The following RTTN variants were observed in gnomAD, a reference collection of about 807,000 sequenced individuals.
The protein encoded by RTTN is rotatin.
RTTN carries 182 observed loss-of-function variants against 269.2 expected under a neutral mutation model. That is an observed-to-expected ratio of 0.68 (90% CI 0.60 to 0.76). The LOEUF is 0.76. Among genes scored for constraint, RTTN ranks in the 30% least tolerant of loss-of-function variants. The pLI, the probability that RTTN is intolerant of heterozygous loss-of-function variation, is 0.00. For synonymous variants in RTTN, 1,006 were observed against 963.5 expected (o/e 1.04, Z -0.82); for missense variants, 2,545 against 2,608.6 (o/e 0.98, Z 0.53).
intron 14 of RTTN, among the ~76,000 whole-genome samples, chr18:70,153,716 C>A (rs2060600878): frequency 6.6e-6 from 1 of 152,070 alleles, no homozygotes; most frequent in African/African-American, 2.4e-5. Context: ...ACAGACATAG[C>A]CAATTAAAGT....
At chr18:70,128,746 A>C in intron 23 of RTTN, 200 bp from the exon 24 acceptor site, 3 of 510,584 alleles carry the variant, frequency 5.9e-6, no homozygotes, top group Non-Finnish European at 7.0e-6. Context: ...ACTCCCCAGA[A>C]CACTTAAATC....
chr18:70,093,854 G>C (rs1231523738), intron 28 of RTTN, among the ~76,000 whole-genome samples: 1 of 152,078 alleles, frequency 6.6e-6, no homozygotes, highest in Non-Finnish European at 1.5e-5. Context: ...TCTATCATTT[G>C]GAATAGTTTC....
At chr18:70,016,342 T>C (rs1196056382) in intron 46 of RTTN, among the ~76,000 whole-genome samples, 1 of 152,224 alleles carries the variant, frequency 6.6e-6, no homozygotes, top group African/African-American at 2.4e-5. Context: ...ACATTTATCA[T>C]GTACCAGAAA....
rs758215830 is a variant in RTTN at position 70,030,033 on chromosome 18, C to T, written c.5724G>A (p.Gly1908=). The T allele has an allele frequency of 5.6e-6, 9 of 1,612,254 alleles. No homozygotes were observed. In the Admixed American group the frequency reaches 1.0e-4, roughly 18 times the overall value. ...AQLNLDSLRP[G]KAALKKKEDG... The stretch of plus-strand genomic sequence containing the variant: ...TTACCTTTTTTTTCAATGCTGCTTT[C>T]CCAGGCCTCAGAGAATCTAGGTTCA... Residue 1908 remains glycine, a synonymous_variant, in exon 42 of 49, where the codon GGG becomes GGA. Transcript: ENST00000640769.
chr18:70,086,793 A>T, intron 31 of RTTN, 109 bp from the exon 32 acceptor site: 1 of 995,240 alleles, frequency 1.0e-6, no homozygotes, highest in Non-Finnish European at 1.5e-6. Context: ...AATTAATAGC[A>T]AAAGACATCT....
chr18:70,129,626 C>G (rs1456714342), intron 23 of RTTN: 3 of 56,968 alleles, frequency 5.3e-5, no homozygotes, highest in Non-Finnish European at 1.2e-4. Flanking sequence ...AAAATCAAAT[C>G]AAAATGAATT....
rs1599166825 is a variant in RTTN at position 70,028,796 on chromosome 18, A to G, written c.5751T>C (p.Asp1917=). 6.2e-7 allele frequency: 1 copy of G among 1,608,856 alleles called. No individual in the cohort carries two copies. Among genetic ancestry groups the G allele is most frequent in the Non-Finnish European group, 8.5e-7 (1 of 1,176,078 alleles). Residue 1917 remains aspartate, a synonymous_variant, in exon 43 of 49, where the codon GAT becomes GAC. Coordinates refer to ENST00000640769, the MANE Select transcript of RTTN (RefSeq NM_173630.4). ...CAATGCTTAACTCTTTAATAACACC[A>G]TCCTCCTATTTAAACAAAAAGCAGT... is the stretch of plus-strand genomic sequence containing the variant. The part of the protein sequence containing the change: ...PGKAALKKKE[D]GVIKELSIAM...
chr18:70,068,626 T>C (rs2058212159), intron 34 of RTTN, among the ~76,000 whole-genome samples: 1 of 152,236 alleles, frequency 6.6e-6, no homozygotes, highest in South Asian at 2.1e-4. Flanking sequence ...AAACTTAGTC[T>C]GCTGAAGTCA....
intron 30 of RTTN, among the ~76,000 whole-genome samples, chr18:70,089,485 AGCC>A (rs2058785258): frequency 6.6e-6 from 1 of 152,176 alleles, no homozygotes; most frequent in Non-Finnish European, 1.5e-5. Flanking sequence ...TTGTTATGGA[AGCC>A]TGAGCACACT....
At position 70,205,238 on chromosome 18, in the gene RTTN, C is replaced by A. The variant is rs1480664387; in HGVS notation, c.109G>T (p.Ala37Ser). Residue 37 changes from alanine to serine, a missense_variant, in exon 2 of 49, where the codon GCT becomes TCT. Ala to Ser is a moderately conservative substitution (Grantham distance 99, BLOSUM62 1). Transcript: ENST00000640769. Reference protein sequence around the residue: ...CKIEHNLICYADLIQERQLFL... With the variant: ...CKIEHNLICYSDLIQERQLFL... ...AGTTGCCTCTCCTGAATGAGATCAG[C>A]GTAGCAGATTAAGTTGTGCTCAATC... The A allele has an allele frequency of 6.2e-7, 1 of 1,614,208 alleles. No individual in the cohort carries two copies. Among genetic ancestry groups the A allele is most frequent in the South Asian group, 1.1e-5 (1 of 91,088 alleles).
chr18:70,144,615 A>G (rs996603402), intron 18 of RTTN, among the ~76,000 whole-genome samples: 3 of 152,152 alleles, frequency 2.0e-5, no homozygotes, highest in Admixed American at 2.0e-4. Context: ...GCCTTCCTCC[A>G]TACATCAGGG....
At chr18:70,090,965 C>T (rs145697704) in intron 30 of RTTN, among the ~76,000 whole-genome samples, 1,881 of 152,290 alleles carry the variant, frequency 0.012, 22 homozygotes, top group South Asian at 0.038. Context: ...GGACCCATCA[C>T]TTCTTCCTTT....
At chr18:70,138,737 C>T (rs1169010601) in intron 21 of RTTN, 8 of 152,064 alleles carry the variant, frequency 5.3e-5, no homozygotes, top group Non-Finnish European at 1.2e-4. Flanking sequence ...TAAACTGCAT[C>T]TTACTCACTT....
At position 70,199,411 on chromosome 18, in the gene RTTN, T is replaced by C. The variant is rs2061894402; in HGVS notation, c.578+3A>G. The C allele has an allele frequency of 6.3e-7, 1 of 1,595,052 alleles. No individual in the cohort carries two copies. The highest frequency in any genetic ancestry group is 8.6e-7 in the Non-Finnish European group (1 of 1,163,072). ...ATACCTGAAAATACATCAAGCACCG[T>C]ACCTTTCATTAGAGGAGAGGACATG... On this transcript the variant is annotated splice_donor_region_variant and intron_variant, in intron 5 of 48. Transcript: ENST00000640769.
chr18:70,023,819 G>T (rs1182479416), intron 44 of RTTN, among the ~76,000 whole-genome samples: 2 of 152,138 alleles, frequency 1.3e-5, no homozygotes, highest in African/African-American at 4.8e-5. Flanking sequence ...GTCTCACTCT[G>T]TTGCCCAGGC....
intron 38 of RTTN, among the ~76,000 whole-genome samples, chr18:70,053,930 T>C (rs1465412251): frequency 6.6e-6 from 1 of 152,182 alleles, no homozygotes; most frequent in Non-Finnish European, 1.5e-5. Context: ...AACTCAAGGG[T>C]AGTCCTTTAT....
rs5825984 is a variant in RTTN, at chr18:70,018,826, C to CT, written c.6154-1153dup. On this transcript the variant is annotated intron_variant, in intron 45 of 48. Coordinates refer to ENST00000640769, the MANE Select transcript of RTTN (RefSeq NM_173630.4). The stretch of plus-strand genomic sequence containing the variant: ...AAATATAAATGTGCTGTGGGCACTC[C>CT]TTTTTTTTTTTTTTTTTTTTTTTTT... 2.8e-3 allele frequency among the ~76,000 whole-genome samples: 135 copies of CT among 48,980 alleles called. 7 individuals are homozygous for CT. Among genetic ancestry groups the CT allele is most frequent in the African/African-American group, 7.3e-3 (118 of 16,270 alleles). The allele number at this position is 48,980 out of a possible 152,430, so 32.1% of individuals were successfully genotyped here.
chr18:70,014,305 A>G lies in RTTN; in HGVS notation c.6421+3102T>C, dbSNP rs139197254. Among the ~76,000 whole-genome samples the G allele has an allele frequency of 9.6e-4, 146 of 152,292 alleles. No homozygotes were observed. The East Asian group carries it at 0.026, about 27-fold the overall frequency. ...ATTTCCTAAAATTTTCAAGCTTGTC[A>G]TTTATTTATCTAAATATGGTATAAT... On this transcript the variant is annotated intron_variant, in intron 46 of 48. Transcript: ENST00000640769.
intron 26 of RTTN, among the ~76,000 whole-genome samples, chr18:70,120,456 A>G (rs1223862378): frequency 6.6e-6 from 1 of 152,166 alleles, no homozygotes; most frequent in Non-Finnish European, 1.5e-5. Flanking sequence ...AGTAATTCAT[A>G]TTTTTACATA....
Sources: gnomAD v4.1 joint callset for allele counts (sites outside exome capture counted in the v4.1 genomes callset) on GRCh38, gnomAD v4.1.1 for gene constraint, MANE v1.5 for transcripts, NCBI Gene and HGNC (gene_info 2026-07-23, HGNC 2026-07-21) for gene names.